Variants in PDE5A observed in about 807,000 individuals in gnomAD.
PDE5A encodes the protein cGMP-specific 3',5'-cyclic phosphodiesterase.
Under a neutral mutation model 110.2 loss-of-function variants are expected in PDE5A, and 67 were observed. That is an observed-to-expected ratio of 0.61 (90% CI 0.50 to 0.75). PDE5A has a LOEUF of 0.75. Ranked by LOEUF, PDE5A falls within the 30% of genes least tolerant of loss-of-function variation. PDE5A has a pLI of 0.00. For missense variants in PDE5A, 862 were observed against 1,045.1 expected (o/e 0.82, Z 2.42); for synonymous variants, 328 against 351.2 (o/e 0.93, Z 0.74).
chr4:119,539,298 AG>A (rs1424115636), intron 10 of PDE5A, among the ~76,000 whole-genome samples: 2 of 152,006 alleles, frequency 1.3e-5, no homozygotes, highest in Non-Finnish European at 2.9e-5. Flanking sequence ...TTTATAAGCC[AG>A]CCTAGAAATA....
At chr4:119,609,361 C>T (rs961522215) in intron 1 of PDE5A, among the ~76,000 whole-genome samples, 4 of 152,094 alleles carry the variant, frequency 2.6e-5, no homozygotes, top group Non-Finnish European at 5.9e-5. Flanking sequence ...CACACTTATA[C>T]AAGAGAACAC....
chr4:119,589,404 G>A (rs1443337122), intron 3 of PDE5A, among the ~76,000 whole-genome samples: 1 of 152,058 alleles, frequency 6.6e-6, no homozygotes, highest in Non-Finnish European at 1.5e-5. Flanking sequence ...TCAGGGGAGG[G>A]CAGTATTTCA....
chr4:119,589,051 G>A (rs746759839), intron 3 of PDE5A, among the ~76,000 whole-genome samples: 1 of 152,112 alleles, frequency 6.6e-6, no homozygotes, highest in Non-Finnish European at 1.5e-5. Flanking sequence ...TTCAACAATG[G>A]TGGTTCAGCC....
Position 119,560,325 on chromosome 4 carries a change from TTCC to T in PDE5A, c.1167_1169del (p.Glu390del). 8 of 1,591,048 alleles carry T rather than the reference TTCC, an allele frequency of 5.0e-6. No individual in the cohort carries two copies. Among genetic ancestry groups the T allele is most frequent in the Non-Finnish European group, 6.8e-6 (8 of 1,169,010 alleles). On this transcript the variant is annotated inframe_deletion, in exon 7 of 21. Transcript: ENST00000354960. ...TTAATGTATCAGATGATTTTTCTAA[TTCC>T]TCACACTCCATGTGAAACACACTAG... is the stretch of plus-strand genomic sequence containing the variant.
At chr4:119,563,449 G>C (rs1029344853) in intron 5 of PDE5A, among the ~76,000 whole-genome samples, 1 of 152,072 alleles carries the variant, frequency 6.6e-6, no homozygotes, top group African/African-American at 2.4e-5. Flanking sequence ...AAAGTTTTAA[G>C]AATTTCCTTT....
At chr4:119,552,083 G>A (rs1304297979) in intron 9 of PDE5A, 1 of 152,098 alleles carries the variant, frequency 6.6e-6, no homozygotes, top group Non-Finnish European at 1.5e-5. Flanking sequence ...CTATAATCAT[G>A]TTAAGAACAT....
At chr4:119,587,622 G>T (rs935356558) in intron 3 of PDE5A, among the ~76,000 whole-genome samples, 7 of 152,152 alleles carry the variant, frequency 4.6e-5, no homozygotes, top group Non-Finnish European at 7.4e-5. Flanking sequence ...CTGACCTCAT[G>T]ATCCACCTGC....
At chr4:119,564,160 A>G (rs905272243) in intron 5 of PDE5A, among the ~76,000 whole-genome samples, 7 of 151,974 alleles carry the variant, frequency 4.6e-5, no homozygotes, top group Non-Finnish European at 1.0e-4. Flanking sequence ...ATGCCATGTT[A>G]TATATTTATA....
At chr4:119,555,771 T>C (rs984712307) in intron 7 of PDE5A, among the ~76,000 whole-genome samples, 1 of 152,094 alleles carries the variant, frequency 6.6e-6, no homozygotes, top group Admixed American at 6.6e-5. Flanking sequence ...GAAAGAGAAG[T>C]AGAAAAACTA....
At position 119,542,496 on chromosome 4, in the gene PDE5A, A is replaced by G. The variant is rs1726965607; in HGVS notation, c.1535T>C (p.Val512Ala). 6.2e-7 allele frequency: 1 copy of G among 1,613,918 alleles called. No homozygotes were observed. The highest frequency in any genetic ancestry group is 2.2e-5 in the East Asian group (1 of 44,864). Residue 512 changes from valine (V) to alanine (A), a missense_variant, in exon 10 of 21, where the codon GTG becomes GCG. Coordinates refer to ENST00000354960, the MANE Select transcript of PDE5A (RefSeq NM_001083.4). ...GIQNTQMYEA[V>A]ERAMAKQMVT... ...CATTTGCTTGGCCATGGCTCTCTCCACTGCTTCATACATCTGCGTGTTCTG... is the reference window on the plus strand; with the variant it reads ...CATTTGCTTGGCCATGGCTCTCTCCGCTGCTTCATACATCTGCGTGTTCTG...
rs758536141 is a variant in PDE5A at position 119,628,622 on chromosome 4, G to GGCTGCTGCTGCTGTC, written c.35_49dup (p.Arg12_Gln16dup). 2.5e-6 allele frequency: 4 copies of GGCTGCTGCTGCTGTC among 1,613,718 alleles called. No homozygotes were observed. Among genetic ancestry groups the GGCTGCTGCTGCTGTC allele is most frequent in the Admixed American group, 1.7e-5 (1 of 59,982 alleles). On this transcript the variant is annotated inframe_insertion, in exon 1 of 21. Transcript: ENST00000354960. ...CCTCTGCTGCTGCTTCTGCTGCTGG[G>GGCTGCTGCTGCTGTC]GCTGCTGCTGCTGTCGCTGCTGCCC...
At chr4:119,541,452 A>C (rs1447438825) in intron 10 of PDE5A, among the ~76,000 whole-genome samples, 1 of 151,986 alleles carries the variant, frequency 6.6e-6, no homozygotes, top group Non-Finnish European at 1.5e-5. Flanking sequence ...ATATGTGTAC[A>C]TATATATTTG....
intron 14 of PDE5A, chr4:119,512,922 T>G (rs1288276340): frequency 1.3e-5 from 2 of 152,076 alleles, no homozygotes; most frequent in African/African-American, 4.8e-5. Flanking sequence ...TGCGAGTAGG[T>G]GAGATCATCC....
At chr4:119,595,283 C>G (rs759893129) in intron 3 of PDE5A, among the ~76,000 whole-genome samples, 2 of 152,106 alleles carry the variant, frequency 1.3e-5, no homozygotes, top group Non-Finnish European at 2.9e-5. Flanking sequence ...GGTTCTCAAC[C>G]TTGGCCACAC....
chr4:119,527,256 A>G (rs1344937062), intron 11 of PDE5A: 1 of 152,004 alleles, frequency 6.6e-6, no homozygotes, highest in African/African-American at 2.4e-5. Flanking sequence ...CTCTCTCTCT[A>G]CTAAGAGAAA....
At chr4:119,598,150 T>G (rs1729218983) in intron 2 of PDE5A, among the ~76,000 whole-genome samples, 1 of 152,192 alleles carries the variant, frequency 6.6e-6, no homozygotes, top group African/African-American at 2.4e-5. Flanking sequence ...AGTGTTACTT[T>G]GTTAATAAAC....
intron 11 of PDE5A, among the ~76,000 whole-genome samples, chr4:119,529,243 T>TATTCCCATGCATATTCCCATGCATA (rs1187161265): frequency 6.6e-6 from 1 of 152,152 alleles, no homozygotes; most frequent in Non-Finnish European, 1.5e-5. Context: ...CTTCTCTGCC[T>TATTCCCATGCATATTCCCATGCATA]AGAATGCATA....
At chr4:119,618,278 T>C (rs1314136007) in intron 1 of PDE5A, among the ~76,000 whole-genome samples, 1 of 152,208 alleles carries the variant, frequency 6.6e-6, no homozygotes, top group African/African-American at 2.4e-5. Flanking sequence ...AAGTGGAGTA[T>C]ATTTTTTAAA....
chr4:119,574,037 C>A (rs1252751365), intron 3 of PDE5A, among the ~76,000 whole-genome samples: 6 of 152,048 alleles, frequency 3.9e-5, no homozygotes, highest in Admixed American at 3.9e-4. Context: ...TATCACAGAG[C>A]AATCTGATGT....
Sources: gnomAD v4.1 joint callset for allele counts (sites outside exome capture counted in the v4.1 genomes callset) on GRCh38, gnomAD v4.1.1 for gene constraint, MANE v1.5 for transcripts, NCBI Gene and HGNC (gene_info 2026-07-23, HGNC 2026-07-21) for gene names.